The following AATK variants were observed in gnomAD, a reference collection of about 807,000 sequenced individuals.
The protein encoded by AATK is lemur tail kinase 1.
A neutral mutation model predicts 114.3 loss-of-function variants in AATK; 91 were observed. The ratio of observed to expected loss-of-function variants is 0.80; its 90% CI spans 0.67 to 0.95. The LOEUF is 0.95. AATK is among the 40% of genes least tolerant of loss of function. The pLI, the probability that AATK is intolerant of heterozygous loss-of-function variation, is 0.00. For missense variants in AATK, 2,176 were observed against 1,965.2 expected (o/e 1.11, Z -2.03); for synonymous variants, 1,075 against 916.5 (o/e 1.17, Z -3.12).
In AATK at chr17:81,141,000, A is replaced by ACTGTGAACTGTGGGGCCGTG. The variant is rs2061129057; in HGVS notation, c.56-6500_56-6499insCACGGCCCCACAGTTCACAG. 1.1e-4 allele frequency among the ~76,000 whole-genome samples: 10 copies of ACTGTGAACTGTGGGGCCGTG among 90,260 alleles called. No individual in the cohort carries two copies. The South Asian group carries it at 4.3e-3, about 39-fold the overall frequency. The allele number at this position is 90,260 out of a possible 152,430, so 59.2% of individuals were successfully genotyped here. A position where few individuals can be genotyped will look rare whatever the true frequency, so the allele number is the denominator to read the frequency against. On this transcript the variant is annotated intron_variant, in intron 1 of 13. Coordinates refer to ENST00000326724, the MANE Select transcript of AATK (RefSeq NM_001080395.3). ...TGGGGACTGTGAACTGTGGGGCCGT[A>ACTGTGAACTGTGGGGCCGTG]AGCCGTGGGGCCCATGAGCCGTGGG... is the stretch of plus-strand genomic sequence containing the variant.
chr17:81,140,062 G>A (rs1169791554), intron 1 of AATK, among the ~76,000 whole-genome samples: 1 of 152,156 alleles, frequency 6.6e-6, no homozygotes, highest in Non-Finnish European at 1.5e-5. Flanking sequence ...GTCCAGATGG[G>A]AATGCAGTGG....
At chr17:81,133,200 G>T in intron 2 of AATK, 2 of 489,476 alleles carry the variant, frequency 4.1e-6, no homozygotes, top group South Asian at 1.5e-5. Context: ...GATGGGGCCT[G>T]TGGCCACTTC....
intron 1 of AATK, chr17:81,136,320 G>T (rs1022554170): frequency 6.6e-6 from 1 of 152,310 alleles, no homozygotes; most frequent in African/African-American, 2.4e-5. Context: ...AGCCAGCAGA[G>T]CCCTGGGGCT....
At chr17:81,161,844 G>T (rs998606503) in intron 1 of AATK, among the ~76,000 whole-genome samples, 2 of 152,104 alleles carry the variant, frequency 1.3e-5, no homozygotes, top group African/African-American at 4.8e-5. Context: ...AAACATGCAG[G>T]GTGGCACAAG....
At position 81,122,495 on chromosome 17, in the gene AATK, ACT is replaced by A; in HGVS notation, c.1439_1440del (p.Lys480MetfsTer66). Reference sequence around the variant, plus strand: ...GCCTCCGCGCCGCGGCCCGCCTCCCACTTGTACTCAAAATTGAGGCCTCGGCT... The same window carrying A: ...GCCTCCGCGCCGCGGCCCGCCTCCCATGTACTCAAAATTGAGGCCTCGGCT... The part of the protein sequence containing the change: ...ETSRGLNFEY[K>X]WEAGRGAEAF... On this transcript the variant is annotated frameshift_variant, in exon 11 of 14. Coordinates refer to ENST00000326724, the MANE Select transcript of AATK (RefSeq NM_001080395.3). LOFTEE classifies it high-confidence loss of function. 6.8e-7 allele frequency: 1 copy of A among 1,466,838 alleles called. No individual in the cohort carries two copies. The highest frequency in any genetic ancestry group is 9.1e-7 in the Non-Finnish European group (1 of 1,104,628). 90.9% of individuals were successfully genotyped at this position (1,466,838 alleles called of 1,614,324 possible). A position where few individuals can be genotyped will look rare whatever the true frequency, so the allele number is the denominator to read the frequency against.
At chr17:81,155,869 G>T (rs1598217320) in intron 1 of AATK, among the ~76,000 whole-genome samples, 1 of 151,158 alleles carries the variant, frequency 6.6e-6, no homozygotes, top group Admixed American at 6.6e-5. Context: ...ATTTTTTGTA[G>T]AGATGCGGTC....
Position 81,122,118 on chromosome 17 carries a change from G to T in AATK, c.1818C>A (p.Pro606=), listed in dbSNP as rs1408462668. The T allele has an allele frequency of 2.6e-6, 4 of 1,548,712 alleles. No individual in the cohort carries two copies. Among genetic ancestry groups the T allele is most frequent in the Non-Finnish European group, 3.5e-6 (4 of 1,150,618 alleles). Residue 606 remains proline, a synonymous_variant, in exon 11 of 14, where the codon CCC becomes CCA. Coordinates refer to ENST00000326724, the MANE Select transcript of AATK (RefSeq NM_001080395.3). ...CCGCCGAGGGCGAGGGAGAGCGTGA[G>T]GGGCAGAGCGGGTCCCGCGCCAAGC... ...RRSLARDPLC[P]SRSPSPSAGP... is the part of the protein sequence containing the mutation.
At position 81,120,876 on chromosome 17, in the gene AATK, G is replaced by T. The variant is rs1400044899; in HGVS notation, c.3060C>A (p.Ala1020=). The part of the protein sequence containing the change: ...GPEKKCGGDR[A]PGPELGLPST... ...TCGGCAGGCCCAGCTCTGGCCCGGG[G>T]GCTCGGTCCCCGCCGCACTTCTTCT... The change falls in exon 11 of 14, where the codon GCC becomes GCA. Residue 1020 remains alanine, a synonymous_variant. Coordinates refer to ENST00000326724, the MANE Select transcript of AATK (RefSeq NM_001080395.3). 6 of 1,579,438 alleles carry T rather than the reference G, an allele frequency of 3.8e-6. No homozygotes were observed. The African/African-American group carries it at 5.4e-5, about 14-fold the overall frequency.
intron 13 of AATK, among the ~76,000 whole-genome samples, 152 bp downstream of exon 13, chr17:81,119,228 C>A (rs1009391573): frequency 2.1e-4 from 25 of 117,380 alleles, no homozygotes; most frequent in Admixed American, 6.1e-4. Context: ...CAGGCTAGGT[C>A]TGGGGCCGGG....
At chr17:81,146,964 G>C (rs1296323414) in intron 1 of AATK, among the ~76,000 whole-genome samples, 3 of 142,830 alleles carry the variant, frequency 2.1e-5, no homozygotes, top group Admixed American at 2.1e-4. Context: ...ATAACCTAGA[G>C]GGCACACGCA....
At chr17:81,144,369 G>A (rs759406673) in intron 1 of AATK, among the ~76,000 whole-genome samples, 1 of 152,224 alleles carries the variant, frequency 6.6e-6, no homozygotes, top group Non-Finnish European at 1.5e-5. Flanking sequence ...TGTGCTGGTC[G>A]GGTGTTCACA....
intron 7 of AATK, 159 bp from the exon 8 acceptor site, chr17:81,125,173 G>T: frequency 1.4e-6 from 1 of 702,888 alleles, no homozygotes; most frequent in Non-Finnish European, 2.5e-6. Context: ...TGGAAGGGGC[G>T]TTGGAGACAC....
At chr17:81,158,805 C>A (rs554744780) in intron 1 of AATK, among the ~76,000 whole-genome samples, 46 of 152,366 alleles carry the variant, frequency 3.0e-4, no homozygotes, top group African/African-American at 1.0e-3. Context: ...ATAAAAACAG[C>A]AGCCAGCACT....
At chr17:81,141,920 C>CTTCCTTCCTTCCTTCCT (rs754140135) in intron 1 of AATK, among the ~76,000 whole-genome samples, 18 of 37,350 alleles carry the variant, frequency 4.8e-4, no homozygotes, top group African/African-American at 1.2e-3. Context: ...TCTCCCTCTC[C>CTTCCTTCCTTCCTTCCT]TTCCTTCCTT....
intron 1 of AATK, among the ~76,000 whole-genome samples, chr17:81,153,718 G>A (rs1484881829): frequency 1.3e-5 from 2 of 152,198 alleles, no homozygotes; most frequent in East Asian, 1.9e-4. Context: ...ACACAGAAGC[G>A]TGGCACAGAA....
At position 81,121,380 on chromosome 17, in the gene AATK, C is replaced by T; in HGVS notation, c.2556G>A (p.Glu852=). ...CATCCTCACTGCTGGGTGCCTCCAC[C>T]TCGGGAGAGCTGCTGCTGCCATTCA... ...SALNGSSSSP[E]VEAPSSEDED... The change falls in exon 11 of 14, where the codon GAG becomes GAA. Residue 852 remains glutamate (E), a synonymous_variant. Coordinates refer to ENST00000326724, the MANE Select transcript of AATK (RefSeq NM_001080395.3). 1 of 1,610,736 alleles carries T rather than the reference C, an allele frequency of 6.2e-7. No individual in the cohort carries two copies. The highest frequency in any genetic ancestry group is 8.5e-7 in the Non-Finnish European group (1 of 1,179,172).
Position 81,120,308 on chromosome 17 carries a change from G to T in AATK, c.3628C>A (p.Leu1210Met). The change falls in exon 11 of 14, where the codon CTG becomes ATG. Residue 1210 changes from leucine to methionine, a missense_variant. Around this residue, in one of 4 missense-constraint regions of AATK, gnomAD observed 1,701 missense variants for 1,394.7 expected, o/e 1.22. Transcript: ENST00000326724. ...ESQSARNLRS[L>M]LKMPSLLSET... ...GACAGCAGGCTGGGCATCTTGAGCAGGCTGCGCAGGTTGCGCGCGCTCTGG... is the reference window on the plus strand; with the variant it reads ...GACAGCAGGCTGGGCATCTTGAGCATGCTGCGCAGGTTGCGCGCGCTCTGG... 1 of 1,610,664 alleles carries T rather than the reference G, an allele frequency of 6.2e-7. No homozygotes were observed.
Position 81,123,261 on chromosome 17 carries a change from A to C in AATK, c.1045T>G (p.Tyr349Asp). The change falls in exon 10 of 14, where the codon TAC becomes GAC. Residue 349 changes from tyrosine to aspartate, a missense_variant. This residue lies in a region of AATK where 273 missense variants were observed against 344.1 expected (regional missense o/e 0.79). Coordinates refer to ENST00000326724, the MANE Select transcript of AATK (RefSeq NM_001080395.3). The part of the protein sequence containing the change: ...PQHSDQQVLA[Y>D]TVREQQLKLP... ...TTGAGCTGCTGCTCCCGGACCGTGT[A>C]CGCCAGCACCTGCTGGTCCGAGTGC... 7.1e-7 allele frequency: 1 copy of C among 1,407,618 alleles called. No homozygotes were observed. Among genetic ancestry groups the C allele is most frequent in the Non-Finnish European group, 9.3e-7 (1 of 1,080,328 alleles). The allele number at this position is 1,407,618 out of a possible 1,614,324, so 87.2% of individuals were successfully genotyped here. A position where few individuals can be genotyped will look rare whatever the true frequency, so the allele number is the denominator to read the frequency against.
intron 7 of AATK, chr17:81,125,309 C>T (rs1286237711): frequency 2.7e-6 from 2 of 737,926 alleles, no homozygotes; most frequent in Admixed American, 3.5e-5. Flanking sequence ...GGGTGAGAAC[C>T]TGCCGGAACC....
Sources: allele counts gnomAD v4.1 joint callset (sites outside exome capture counted in the v4.1 genomes callset), GRCh38; gene constraint gnomAD v4.1.1; regional missense constraint gnomAD v4.1.1; transcripts MANE v1.5; gene names NCBI Gene and HGNC (gene_info 2026-07-23, HGNC 2026-07-21).